Variants in TNNT3 observed in about 807,000 individuals in gnomAD.
TNNT3 encodes troponin T, fast skeletal muscle.
TNNT3 carries 36 observed loss-of-function variants against 54.2 expected under a neutral mutation model. The ratio of observed to expected loss-of-function variants is 0.66; its 90% CI spans 0.51 to 0.88. TNNT3 has a LOEUF of 0.88. Among genes scored for constraint, TNNT3 ranks in the 40% least tolerant of loss-of-function variants. The pLI, the probability that TNNT3 is intolerant of heterozygous loss-of-function variation, is 0.00. For missense variants in TNNT3, 291 were observed against 331.6 expected (o/e 0.88, Z 0.95); for synonymous variants, 120 against 109.7 (o/e 1.09, Z -0.59).
chr11:1,937,226 CAGG>C (rs943846064), intron 15 of TNNT3, among the ~76,000 whole-genome samples: 4 of 152,116 alleles, frequency 2.6e-5, no homozygotes, highest in African/African-American at 9.7e-5. Flanking sequence ...GTGGCAGAGT[CAGG>C]AGGAGGGATC....
intron 8 of TNNT3, among the ~76,000 whole-genome samples, chr11:1,930,520 T>C (rs1358023418): frequency 6.6e-6 from 1 of 152,176 alleles, no homozygotes; most frequent in East Asian, 1.9e-4. Flanking sequence ...GGGTTGGTTT[T>C]TTTAATGCAG....
chr11:1,923,055 G>C lies in TNNT3; in HGVS notation c.25G>C (p.Val9Leu). The C allele has an allele frequency of 6.2e-7, 1 of 1,613,978 alleles. No homozygotes were observed. The highest frequency in any genetic ancestry group is 8.5e-7 in the Non-Finnish European group (1 of 1,179,994). The change falls in exon 3 of 16, where the codon GTG becomes CTG. Residue 9 changes from valine to leucine, a missense_variant. Coordinates refer to ENST00000278317, the MANE Select transcript of TNNT3 (RefSeq NM_006757.4). ...TCTCTCCCTGCCCCACAGTGAACAG[G>C]TGGAGGGTAAGTGTAACAGCCATTT... MSDEEVEQVEEQYEEEEEA... is the reference protein window; with the variant it reads MSDEEVEQLEEQYEEEEEA...
intron 9 of TNNT3, 38 bp downstream of exon 9, chr11:1,932,552 TCCCCACA>T: frequency 1.2e-6 from 2 of 1,608,008 alleles, no homozygotes; most frequent in Non-Finnish European, 1.7e-6. Flanking sequence ...GTCCACGGTT[TCCCCACA>T]CCCCAGCTTT....
chr11:1,936,697 G>T (rs1391568547), intron 14 of TNNT3, among the ~76,000 whole-genome samples: 2 of 152,212 alleles, frequency 1.3e-5, no homozygotes, highest in East Asian at 3.9e-4. Flanking sequence ...CTGAAGGTAA[G>T]TGGCCAGCTA....
In TNNT3 at chr11:1,933,562, A is replaced by C. The variant is rs77500032; in HGVS notation, c.172-159A>C. 0.022 allele frequency among the ~76,000 whole-genome samples: 3,340 copies of C among 152,320 alleles called. 59 individuals carry two copies. The highest frequency in any genetic ancestry group is 0.048 in the African/African-American group (1,983 of 41,578). On this transcript the variant is annotated intron_variant, in intron 9 of 15. Coordinates refer to ENST00000278317, the MANE Select transcript of TNNT3 (RefSeq NM_006757.4). ...GATAGCAGCCATGGCAATGTGGAGA[A>C]GGCAAAACATTCCTTGCCACTTGCC...
chr11:1,923,128 G>C lies in TNNT3; in HGVS notation c.31+67G>C, dbSNP rs954671493. The C allele has an allele frequency of 1.8e-5, 29 of 1,598,164 alleles. No homozygotes were observed. The South Asian group carries it at 2.0e-4, about 11-fold the overall frequency. ...AGGAAGGCTCACATGTGGGCAGGGG[G>C]CTGGACTGTGCATACCCTGTGTCCC... is the stretch of plus-strand genomic sequence containing the variant. On this transcript the variant is annotated intron_variant, in intron 3 of 15. Coordinates refer to ENST00000278317, the MANE Select transcript of TNNT3 (RefSeq NM_006757.4).
chr11:1,924,867 C>T lies in TNNT3; in HGVS notation c.50-232C>T, dbSNP rs1421743366. Reference sequence around the variant, plus strand: ...TCAGAACCCCTCTCAGGGGCCGGGCCCAGCCCAGCTGACAGTGACCAGCTC... The same window carrying T: ...TCAGAACCCCTCTCAGGGGCCGGGCTCAGCCCAGCTGACAGTGACCAGCTC... On this transcript the variant is annotated intron_variant, in intron 4 of 15. Coordinates refer to ENST00000278317, the MANE Select transcript of TNNT3 (RefSeq NM_006757.4). The T allele has an allele frequency of 6.3e-6, 4 of 638,296 alleles. No individual in the cohort carries two copies. In the African/African-American group the frequency reaches 7.2e-5, roughly 11 times the overall value. The allele number at this position is 638,296 out of a possible 1,614,324, so 39.5% of individuals were successfully genotyped here. A position where few individuals can be genotyped will look rare whatever the true frequency, so the allele number is the denominator to read the frequency against.
At chr11:1,929,333 A>G (rs1019549625) in intron 7 of TNNT3, among the ~76,000 whole-genome samples, 190 bp downstream of exon 7, 1 of 152,152 alleles carries the variant, frequency 6.6e-6, no homozygotes, top group Non-Finnish European at 1.5e-5. Flanking sequence ...TCGAGCTGCC[A>G]GGGCCTCGCG....
rs149146986 is a variant in TNNT3 at position 1,922,761 on chromosome 11, G to A, written c.-18-96G>A. On this transcript the variant is annotated intron_variant, in intron 1 of 15. Coordinates refer to ENST00000278317, the MANE Select transcript of TNNT3 (RefSeq NM_006757.4). ...AACCCTGCCCGCGGTCCCCCACAGC[G>A]CTGCTCCAAGACCCCATCCCCCATC... 101 of 1,269,042 alleles carry A rather than the reference G, an allele frequency of 8.0e-5. No homozygotes were observed. In the East Asian group the frequency reaches 1.1e-3, roughly 13 times the overall value. The allele number at this position is 1,269,042 out of a possible 1,614,324, so 78.6% of individuals were successfully genotyped here.
At chr11:1,938,336 G>C (rs753345844) in intron 15 of TNNT3, 102 bp from the exon 16 acceptor site, 150 of 1,324,148 alleles carry the variant, frequency 1.1e-4, no homozygotes, top group Non-Finnish European at 1.6e-4. Context: ...TGTGCCCTGA[G>C]AGCAGCCTGG....
chr11:1,936,168 T>G (rs1289803336), intron 14 of TNNT3: 2 of 1,612,260 alleles, frequency 1.2e-6, no homozygotes, highest in South Asian at 2.2e-5. Context: ...CGGGCCTCGA[T>G]GCCCCAGCCG....
chr11:1,922,952 GT>G, intron 2 of TNNT3, 61 bp downstream of exon 2: 3 of 1,613,618 alleles, frequency 1.9e-6, no homozygotes, highest in Non-Finnish European at 2.5e-6. Flanking sequence ...CTTGGCTTCT[GT>G]GGGGCTGGAG....
At chr11:1,934,688 C>G (rs180809847) in intron 13 of TNNT3, 33 bp downstream of exon 13, 654 of 1,606,352 alleles carry the variant, frequency 4.1e-4, no homozygotes, top group Non-Finnish European at 5.4e-4. Flanking sequence ...CTCAGCCCCA[C>G]GGGGTGGCCC....
intron 4 of TNNT3, 39 bp from the exon 5 acceptor site, chr11:1,925,060 A>G (rs755890250): frequency 1.2e-5 from 19 of 1,610,928 alleles, no homozygotes; most frequent in African/African-American, 2.7e-5. Flanking sequence ...GTCTCCCTCA[A>G]CCCCGCCTTC....
intron 14 of TNNT3, among the ~76,000 whole-genome samples, chr11:1,936,664 C>A (rs898827766): frequency 2.6e-5 from 4 of 152,238 alleles, no homozygotes; most frequent in East Asian, 3.9e-4. Context: ...CTCCGTACCC[C>A]CCGCCCCACA....
intron 6 of TNNT3, among the ~76,000 whole-genome samples, chr11:1,928,803 G>C (rs572768127): frequency 8.6e-5 from 13 of 150,872 alleles, no homozygotes; most frequent in African/African-American, 3.2e-4. Context: ...AGGACAGACC[G>C]GGGGGACAGA....
In TNNT3 at chr11:1,925,244, G is replaced by A. The variant is rs372287382; in HGVS notation, c.67+128G>A. 81 of 1,516,848 alleles carry A rather than the reference G, an allele frequency of 5.3e-5. No individual in the cohort carries two copies. The highest frequency in any genetic ancestry group is 8.7e-5 in the African/African-American group (6 of 68,864). 94.0% of individuals were successfully genotyped at this position (1,516,848 alleles called of 1,614,324 possible). ...TGTCTAACCCTCTCCTCTCTCCCCC[G>A]GCTCTCCTCAGCTGCAGAAGTCCAT... On this transcript the variant is annotated intron_variant, in intron 5 of 15. Coordinates refer to ENST00000278317, the MANE Select transcript of TNNT3 (RefSeq NM_006757.4).
chr11:1,938,595 G>A lies in TNNT3; in HGVS notation c.*103G>A, dbSNP rs761473892. 6 of 1,244,926 alleles carry A rather than the reference G, an allele frequency of 4.8e-6. No individual in the cohort carries two copies. Among genetic ancestry groups the A allele is most frequent in the Non-Finnish European group, 7.0e-6 (6 of 863,170 alleles). 77.1% of individuals were successfully genotyped at this position (1,244,926 alleles called of 1,614,324 possible). The stretch of plus-strand genomic sequence containing the variant: ...TCCAGCCCCCACAATCCTGTCAGGG[G>A]CTCCCTGACAGTCCTGGGGGTGGAG... On this transcript the variant is annotated 3_prime_UTR_variant, in exon 16 of 16. Transcript: ENST00000278317.
chr11:1,936,072 A>G, intron 14 of TNNT3: 1 of 878,236 alleles, frequency 1.1e-6, no homozygotes. Flanking sequence ...TCAGGGACCC[A>G]CTGGCTTTGG....
Sources: gnomAD v4.1 joint callset for allele counts (sites outside exome capture counted in the v4.1 genomes callset) on GRCh38, gnomAD v4.1.1 for gene constraint, MANE v1.5 for transcripts, NCBI Gene and HGNC (gene_info 2026-07-23, HGNC 2026-07-21) for gene names.